Variants in ROBO2 observed in about 807,000 individuals in gnomAD.
ROBO2 encodes the protein roundabout homolog 2.
A neutral mutation model predicts 160.8 loss-of-function variants in ROBO2; 53 were observed. The ratio of observed to expected loss-of-function variants is 0.33; its 90% confidence interval spans 0.26 to 0.41. The LOEUF is 0.41. ROBO2 is among the 10% of genes least tolerant of loss of function. ROBO2 has a pLI of 1.00. For synonymous variants in ROBO2, 664 were observed against 611.7 expected (o/e 1.09, Z -1.26); for missense variants, 1,577 against 1,722.4 (o/e 0.92, Z 1.49).
chr3:76,164,840 G>T lies in ROBO2; in HGVS notation c.109+227238G>T, dbSNP rs2072763999. 3.2e-5 allele frequency among the ~76,000 whole-genome samples: 4 copies of T among 124,460 alleles called. No individual in the cohort carries two copies. The South Asian group carries it at 1.0e-3, about 31-fold the overall frequency. The allele number at this position is 124,460 out of a possible 152,430, so 81.7% of individuals were successfully genotyped here. A position where few individuals can be genotyped will look rare whatever the true frequency, so the allele number is the denominator to read the frequency against. On this transcript the variant is annotated intron_variant, in intron 2 of 26. Transcript: ENST00000487694. ...CACCAGCTGCATTAGCCCCTACAAA[G>T]AAATGCCTGGGGCCTGGCTGGGACT...
At chr3:76,019,892 T>C (rs544278101) in intron 2 of ROBO2, among the ~76,000 whole-genome samples, 1 of 151,848 alleles carries the variant, frequency 6.6e-6, no homozygotes, top group Admixed American at 6.6e-5. Context: ...CCCCACATGG[T>C]TAGGTTTCCT....
chr3:77,487,930 C>A (rs896894579), intron 4 of ROBO2, among the ~76,000 whole-genome samples: 1 of 152,106 alleles, frequency 6.6e-6, no homozygotes, highest in African/African-American at 2.4e-5. Flanking sequence ...TGACTGAATA[C>A]AGTTAAAAAG....
intron 2 of ROBO2, among the ~76,000 whole-genome samples, chr3:76,393,893 A>G (rs2077283130): frequency 6.6e-6 from 1 of 152,180 alleles, no homozygotes; most frequent in African/African-American, 2.4e-5. Flanking sequence ...AATTGTAAGT[A>G]TATGCCTAGA....
intron 1 of ROBO2, among the ~76,000 whole-genome samples, chr3:77,056,299 G>T (rs1164534469): frequency 1.3e-5 from 2 of 152,138 alleles, no homozygotes; most frequent in African/African-American, 4.8e-5. Context: ...ACCACCGTTT[G>T]TTAAGGGAGG....
chr3:76,706,135 G>C (rs370478781), intron 2 of ROBO2, among the ~76,000 whole-genome samples: 1 of 152,014 alleles, frequency 6.6e-6, no homozygotes, highest in Non-Finnish European at 1.5e-5. Flanking sequence ...TTAACTTGAA[G>C]TATTAAGAAA....
At chr3:76,201,738 G>C (rs760148968) in intron 2 of ROBO2, among the ~76,000 whole-genome samples, 30 of 152,040 alleles carry the variant, frequency 2.0e-4, no homozygotes, top group Non-Finnish European at 2.9e-4. Context: ...AACAGGTACA[G>C]CTTGAAGTTT....
intron 9 of ROBO2, among the ~76,000 whole-genome samples, chr3:77,562,107 GT>G (rs1339974162): frequency 2.7e-4 from 41 of 151,886 alleles, no homozygotes; most frequent in African/African-American, 9.9e-4. Flanking sequence ...CTGTCTCGGG[GT>G]AAAAAAAAAG....
chr3:76,160,140 G>A (rs942325524), intron 2 of ROBO2, among the ~76,000 whole-genome samples: 4 of 152,022 alleles, frequency 2.6e-5, no homozygotes, highest in African/African-American at 9.7e-5. Context: ...AATGGCTTGA[G>A]CATCGCAAAA....
chr3:77,101,868 C>T (rs944768226), intron 2 of ROBO2, among the ~76,000 whole-genome samples: 3 of 152,012 alleles, frequency 2.0e-5, no homozygotes, highest in Admixed American at 6.6e-5. Context: ...GGTGAAACCC[C>T]GACTCTACTA....
At chr3:76,647,863 G>A (rs1444283799) in intron 2 of ROBO2, among the ~76,000 whole-genome samples, 1 of 151,864 alleles carries the variant, frequency 6.6e-6, no homozygotes, top group Non-Finnish European at 1.5e-5. Flanking sequence ...TAAATGTGGG[G>A]GAAAAACAAA....
chr3:76,502,626 C>T (rs532826173), intron 2 of ROBO2, among the ~76,000 whole-genome samples: 1 of 152,096 alleles, frequency 6.6e-6, no homozygotes, highest in South Asian at 2.1e-4. Flanking sequence ...TATTTATGGG[C>T]TTCATGAGAT....
At chr3:76,479,489 A>C (rs1002738396) in intron 2 of ROBO2, among the ~76,000 whole-genome samples, 3 of 152,164 alleles carry the variant, frequency 2.0e-5, no homozygotes, top group Non-Finnish European at 4.4e-5. Context: ...TTTTACCATA[A>C]AAATCTTTCA....
At chr3:77,085,467 T>C (rs989079862) in intron 1 of ROBO2, among the ~76,000 whole-genome samples, 1 of 152,126 alleles carries the variant, frequency 6.6e-6, no homozygotes, top group Non-Finnish European at 1.5e-5. Flanking sequence ...ACAATTTAGG[T>C]GTATATCCTC....
At chr3:77,479,482 T>C (rs3846095) in intron 3 of ROBO2, among the ~76,000 whole-genome samples, 4 of 151,856 alleles carry the variant, frequency 2.6e-5, no homozygotes, top group African/African-American at 9.7e-5. Context: ...GAGACATTGA[T>C]GTTAAGGAAG....
chr3:76,846,500 C>G (rs904461355), intron 2 of ROBO2, among the ~76,000 whole-genome samples: 5 of 152,018 alleles, frequency 3.3e-5, no homozygotes, highest in South Asian at 2.1e-4. Flanking sequence ...TTTTTGTTTT[C>G]TTACTTTAGT....
intron 2 of ROBO2, among the ~76,000 whole-genome samples, chr3:77,018,361 G>A (rs2062416383): frequency 6.6e-6 from 1 of 152,144 alleles, no homozygotes; most frequent in Non-Finnish European, 1.5e-5. Context: ...GGGATTACAG[G>A]TGTGAGCCAC....
At chr3:77,483,190 A>T (rs942094132) in intron 4 of ROBO2, among the ~76,000 whole-genome samples, 4 of 152,142 alleles carry the variant, frequency 2.6e-5, no homozygotes, top group Non-Finnish European at 4.4e-5. Context: ...CTGAGGGGTT[A>T]TAAGTACAAG....
intron 2 of ROBO2, among the ~76,000 whole-genome samples, chr3:76,923,284 A>G (rs1559709424): frequency 1.3e-5 from 2 of 152,214 alleles, no homozygotes; most frequent in African/African-American, 4.8e-5. Flanking sequence ...CATCCTTTCT[A>G]AAAACAGAAG....
intron 2 of ROBO2, among the ~76,000 whole-genome samples, chr3:76,737,990 T>C (rs1159707333): frequency 1.3e-5 from 2 of 151,884 alleles, no homozygotes; most frequent in African/African-American, 4.8e-5. Flanking sequence ...AAAAATTAGC[T>C]GGGTGGGATG....
Sources: allele counts gnomAD v4.1 joint callset (sites outside exome capture counted in the v4.1 genomes callset), GRCh38; gene constraint gnomAD v4.1.1; transcripts MANE v1.5; gene names NCBI Gene and HGNC (gene_info 2026-07-23, HGNC 2026-07-21).